The following CLINT1 variants were observed in gnomAD, a reference collection of about 807,000 sequenced individuals.
The protein encoded by CLINT1 is clathrin interactor 1, also known as clathrin interacting protein localized in the trans-Golgi region.
CLINT1 carries 15 observed loss-of-function variants against 70.4 expected under a neutral mutation model. That is an observed-to-expected ratio of 0.21 (90% CI 0.14 to 0.33). The LOEUF (loss-of-function observed/expected upper bound fraction) is 0.33. Among genes scored for constraint, CLINT1 ranks in the 10% least tolerant of loss-of-function variants. CLINT1 has a pLI of 1.00. For synonymous variants in CLINT1, 227 were observed against 254.7 expected (o/e 0.89, Z 1.04); for missense variants, 615 against 778.1 (o/e 0.79, Z 2.49).
At chr5:157,854,265 G>A (rs1753673728) in intron 1 of CLINT1, among the ~76,000 whole-genome samples, 1 of 152,178 alleles carries the variant, frequency 6.6e-6, no homozygotes, top group Non-Finnish European at 1.5e-5. Flanking sequence ...CTTGAAGGCA[G>A]GTATTGTATG....
At chr5:157,819,140 A>G (rs1762807698) in intron 1 of CLINT1, among the ~76,000 whole-genome samples, 1 of 152,214 alleles carries the variant, frequency 6.6e-6, no homozygotes, top group African/African-American at 2.4e-5. Flanking sequence ...CAAACACTTC[A>G]ATTTCTTCAT....
chr5:157,792,221 T>C (rs1392013467), intron 9 of CLINT1, among the ~76,000 whole-genome samples: 1 of 151,818 alleles, frequency 6.6e-6, no homozygotes. Flanking sequence ...ATCCATCTCT[T>C]GGCAGCTCTG....
intron 7 of CLINT1, among the ~76,000 whole-genome samples, chr5:157,804,847 A>C (rs1762339184): frequency 6.6e-6 from 1 of 152,088 alleles, no homozygotes. Flanking sequence ...GAATCACTTG[A>C]ACCTGGGAAG....
chr5:157,786,460 A>G lies in CLINT1; in HGVS notation c.*1186T>C, dbSNP rs1761729422. On this transcript the variant is annotated 3_prime_UTR_variant, in exon 12 of 12. Coordinates refer to ENST00000411809, the MANE Select transcript of CLINT1 (RefSeq NM_014666.4). ...ATATTCCCAGCTTGAGGGTAAAACAATTAATTTTGCATTCCAAACTCTAGA... is the reference window on the plus strand; with the variant it reads ...ATATTCCCAGCTTGAGGGTAAAACAGTTAATTTTGCATTCCAAACTCTAGA... 1 of 152,576 alleles carries G rather than the reference A, an allele frequency of 6.6e-6. No homozygotes were observed. Among genetic ancestry groups the G allele is most frequent in the Non-Finnish European group, 1.5e-5 (1 of 68,010 alleles). The allele number at this position is 152,576 out of a possible 1,614,324, so 9.5% of individuals were successfully genotyped here.
Position 157,859,132 on chromosome 5 carries a change from A to G in CLINT1, c.-162T>C, listed in dbSNP as rs1349377429. 3.2e-6 allele frequency: 2 copies of G among 634,892 alleles called. No individual in the cohort carries two copies. The highest frequency in any genetic ancestry group is 5.2e-6 in the Non-Finnish European group (2 of 386,742). The allele number at this position is 634,892 out of a possible 1,614,324, so 39.3% of individuals were successfully genotyped here. A position where few individuals can be genotyped will look rare whatever the true frequency, so the allele number is the denominator to read the frequency against. On this transcript the variant is annotated 5_prime_UTR_variant, in exon 1 of 12. Coordinates refer to ENST00000411809, the MANE Select transcript of CLINT1 (RefSeq NM_014666.4). ...TGCCACAGCAGCGGCGCCGCCGGTG[A>G]CACGTCGAGACGCGGCAGCACAGGC...
At chr5:157,846,750 G>A (rs1003088639) in intron 1 of CLINT1, among the ~76,000 whole-genome samples, 2 of 152,188 alleles carry the variant, frequency 1.3e-5, no homozygotes, top group African/African-American at 4.8e-5. Context: ...CTCTTCTCAT[G>A]GGCTAACGCA....
intron 1 of CLINT1, among the ~76,000 whole-genome samples, chr5:157,850,651 T>C (rs1392080176): frequency 6.8e-6 from 1 of 146,726 alleles, no homozygotes; most frequent in African/African-American, 2.5e-5. Flanking sequence ...TATTTAACCA[T>C]GGGGGTTTAA....
chr5:157,811,392 G>A (rs1739279840), intron 5 of CLINT1, among the ~76,000 whole-genome samples: 1 of 152,112 alleles, frequency 6.6e-6, no homozygotes. Context: ...AATTGGCGAG[G>A]CATGGTGGCT....
chr5:157,839,740 TATC>T, intron 1 of CLINT1, among the ~76,000 whole-genome samples: 1 of 149,372 alleles, frequency 6.7e-6, no homozygotes, highest in South Asian at 2.1e-4. Flanking sequence ...TCTATCTATC[TATC>T]TATCTATCTA....
chr5:157,830,158 G>A (rs1317389769), intron 1 of CLINT1, among the ~76,000 whole-genome samples: 1 of 151,978 alleles, frequency 6.6e-6, no homozygotes, highest in Non-Finnish European at 1.5e-5. Flanking sequence ...ATGTTGCCTA[G>A]GCTGGTCTCG....
At chr5:157,824,082 G>C (rs1762958615) in intron 1 of CLINT1, among the ~76,000 whole-genome samples, 1 of 152,186 alleles carries the variant, frequency 6.6e-6, no homozygotes, top group Non-Finnish European at 1.5e-5. Flanking sequence ...GACCACTGCT[G>C]CAGAAGACAG....
At chr5:157,816,961 G>C in intron 2 of CLINT1, 131 bp from the exon 3 acceptor site, 2 of 603,322 alleles carry the variant, frequency 3.3e-6, no homozygotes, top group African/African-American at 1.9e-5. Flanking sequence ...AAATTTAGAA[G>C]ATATGTACTT....
chr5:157,853,863 C>CT (rs1456668619), intron 1 of CLINT1, among the ~76,000 whole-genome samples: 1 of 148,940 alleles, frequency 6.7e-6, no homozygotes, highest in African/African-American at 2.5e-5. Flanking sequence ...CAGTTAAGTG[C>CT]TTTTTAAAAG....
At chr5:157,802,632 G>A (rs976733067) in intron 8 of CLINT1, among the ~76,000 whole-genome samples, 14 of 149,102 alleles carry the variant, frequency 9.4e-5, no homozygotes, top group Non-Finnish European at 1.6e-4. Context: ...TGCAACCTCC[G>A]CCTCCCGGGT....
chr5:157,830,796 C>CTCTCTCTCTATA (rs1300619885), intron 1 of CLINT1, among the ~76,000 whole-genome samples: 13 of 85,714 alleles, frequency 1.5e-4, no homozygotes, highest in East Asian at 7.0e-4. Context: ...CTCTCTCTCT[C>CTCTCTCTCTATA]TATATATATA....
chr5:157,807,659 C>T (rs569087882), intron 6 of CLINT1, among the ~76,000 whole-genome samples: 1 of 152,236 alleles, frequency 6.6e-6, no homozygotes, highest in African/African-American at 2.4e-5. Context: ...TGCATTTTCA[C>T]TCTTTTAAAC....
chr5:157,841,059 C>G (rs968997876), intron 1 of CLINT1, among the ~76,000 whole-genome samples: 4 of 152,002 alleles, frequency 2.6e-5, no homozygotes, highest in African/African-American at 9.7e-5. Context: ...CTCAGGAGTT[C>G]AAGACCAGCC....
At chr5:157,845,212 G>GGTGGC (rs1753327163) in intron 1 of CLINT1, among the ~76,000 whole-genome samples, 1 of 152,022 alleles carries the variant, frequency 6.6e-6, no homozygotes. Context: ...AGCCTGGCGT[G>GGTGGC]GTGGCACACG....
Position 157,831,269 on chromosome 5 carries a change from C to T in CLINT1, c.42-13722G>A, listed in dbSNP as rs181758658. On this transcript the variant is annotated intron_variant, in intron 1 of 11. Transcript: ENST00000411809. ...GTGGCAGGATCTTGGCTCACCGCAA[C>T]CTCCGCCTCCCAGGTTCAAGCAATT... Among the ~76,000 whole-genome samples, 25 of 151,408 alleles carry T rather than the reference C, an allele frequency of 1.7e-4. 1 individual carries two copies. Among genetic ancestry groups the T allele is most frequent in the African/African-American group, 6.1e-4 (25 of 41,252 alleles).
Sources: allele counts gnomAD v4.1 joint callset (sites outside exome capture counted in the v4.1 genomes callset), GRCh38; gene constraint gnomAD v4.1.1; transcripts MANE v1.5; gene names NCBI Gene and HGNC (gene_info 2026-07-23, HGNC 2026-07-21).